Variants in LRRC58 observed in about 807,000 individuals in gnomAD.
LRRC58 encodes the protein leucine-rich repeat-containing protein 58.
Under a neutral mutation model 30.6 loss-of-function variants are expected in LRRC58, and 18 were observed. The ratio of observed to expected loss-of-function variants is 0.59; its 90% CI spans 0.41 to 0.87. The LOEUF (loss-of-function observed/expected upper bound fraction) is 0.87. Ranked by LOEUF, LRRC58 falls within the 40% of genes least tolerant of loss-of-function variation. LRRC58 has a pLI of 0.00. For synonymous variants in LRRC58, 221 were observed against 206.0 expected (o/e 1.07, Z -0.62); for missense variants, 420 against 468.4 (o/e 0.90, Z 0.95).
intron 3 of LRRC58, among the ~76,000 whole-genome samples, chr3:120,333,516 A>G (rs1290735950): frequency 6.6e-6 from 1 of 152,228 alleles, no homozygotes; most frequent in Non-Finnish European, 1.5e-5. Flanking sequence ...TGTCTTTTTT[A>G]TCTTTTAACA....
intron 1 of LRRC58, among the ~76,000 whole-genome samples, chr3:120,344,012 T>C (rs1935936808): frequency 6.6e-6 from 1 of 151,996 alleles, no homozygotes. Flanking sequence ...GCACTCCAGC[T>C]TGGTGGACAG....
At chr3:120,332,947 G>C (rs527816340) in intron 3 of LRRC58, among the ~76,000 whole-genome samples, 1 of 151,864 alleles carries the variant, frequency 6.6e-6, no homozygotes, top group South Asian at 2.1e-4. Flanking sequence ...ATGGGGTCTC[G>C]CTATGTTGCC....
rs1369372429 is a variant in LRRC58 at position 120,335,814 on chromosome 3, G to GAACT, written c.629+7_629+10dup. The GAACT allele has an allele frequency of 6.2e-7, 1 of 1,607,866 alleles. No individual in the cohort carries two copies. Among genetic ancestry groups the GAACT allele is most frequent in the African/African-American group, 1.3e-5 (1 of 74,756 alleles). Reference sequence around the variant, plus strand: ...ATGTCTGCGTATATACAAATGCCTGGAACTACTCACTGTGAAAGTTGAGGA... The same window carrying GAACT: ...ATGTCTGCGTATATACAAATGCCTGGAACTAACTACTCACTGTGAAAGTTGAGGA... On this transcript the variant is annotated intron_variant, in intron 2 of 3. Coordinates refer to ENST00000295628, the MANE Select transcript of LRRC58 (RefSeq NM_001099678.2).
At chr3:120,347,756 A>C (rs1935992175) in intron 1 of LRRC58, among the ~76,000 whole-genome samples, 5 of 152,194 alleles carry the variant, frequency 3.3e-5, no homozygotes, top group Admixed American at 2.0e-4. Flanking sequence ...ACGTTCTGTT[A>C]TCTCTGAAAA....
At chr3:120,334,443 G>C (rs1935805605) in intron 3 of LRRC58, among the ~76,000 whole-genome samples, 1 of 152,094 alleles carries the variant, frequency 6.6e-6, no homozygotes, top group Admixed American at 6.6e-5. Context: ...GGGAGGCAGA[G>C]TTTGCAATGA....
In LRRC58 at chr3:120,330,894, T is replaced by C; in HGVS notation, c.*306A>G. On this transcript the variant is annotated 3_prime_UTR_variant, in exon 4 of 4. Coordinates refer to ENST00000295628, the MANE Select transcript of LRRC58 (RefSeq NM_001099678.2). ...CAAAAGTTATACTACTCATGACTTA[T>C]TGCAGAACTGCTCTTCAAAAGGTAC... The C allele has an allele frequency of 5.4e-6, 2 of 369,826 alleles. No homozygotes were observed. Among genetic ancestry groups the C allele is most frequent in the South Asian group, 2.6e-5 (1 of 38,716 alleles). 22.9% of individuals were successfully genotyped at this position (369,826 alleles called of 1,614,324 possible).
At chr3:120,342,984 T>C (rs1935922630) in intron 1 of LRRC58, among the ~76,000 whole-genome samples, 1 of 152,238 alleles carries the variant, frequency 6.6e-6, no homozygotes, top group Non-Finnish European at 1.5e-5. Context: ...ATTAAGACAG[T>C]CAGGAACCAA....
chr3:120,340,465 G>A (rs1018926510), intron 1 of LRRC58, among the ~76,000 whole-genome samples: 12 of 152,036 alleles, frequency 7.9e-5, no homozygotes, highest in Admixed American at 1.3e-4. Flanking sequence ...ATTCTTTGCC[G>A]ATTGCCTTAT....
intron 1 of LRRC58, among the ~76,000 whole-genome samples, chr3:120,339,083 G>A (rs1000634592): frequency 6.6e-6 from 1 of 152,042 alleles, no homozygotes; most frequent in Non-Finnish European, 1.5e-5. Flanking sequence ...GATATGTTCG[G>A]ACTTGTGTTT....
At position 120,328,680 on chromosome 3, in the gene LRRC58, T is replaced by G. The variant is rs565812689; in HGVS notation, c.*2520A>C. ...CTGGTTTCTAGATTATGAAGTCCCT[T>G]GTATTTGACTTCTGATTAATTTCTC... On this transcript the variant is annotated 3_prime_UTR_variant, in exon 4 of 4. Coordinates refer to ENST00000295628, the MANE Select transcript of LRRC58 (RefSeq NM_001099678.2). 1 of 152,318 alleles carries G rather than the reference T, an allele frequency of 6.6e-6. No individual in the cohort carries two copies. Among genetic ancestry groups the G allele is most frequent in the East Asian group, 1.9e-4 (1 of 5,188 alleles). The allele number at this position is 152,318 out of a possible 1,614,324, so 9.4% of individuals were successfully genotyped here.
intron 1 of LRRC58, among the ~76,000 whole-genome samples, chr3:120,348,114 A>G (rs1418279228): frequency 1.3e-5 from 2 of 152,214 alleles, no homozygotes; most frequent in South Asian, 2.1e-4. Context: ...AACTTGAGAT[A>G]GCTTTTGAAG....
Position 120,331,292 on chromosome 3 carries a change from C to T in LRRC58, c.1024G>A (p.Ala342Thr), listed in dbSNP as rs546885697. 145 of 1,613,944 alleles carry T rather than the reference C, an allele frequency of 9.0e-5. 1 individual carries two copies. The East Asian group carries it at 2.0e-3, about 22-fold the overall frequency. ...SPECSSPCSSASHSSTSQSES... is the reference protein window; with the variant it reads ...SPECSSPCSSTSHSSTSQSES... Reference sequence around the variant, plus strand: ...CTCTGGGAAGTGGAGCTGTGAGAGGCAGAACTGCAAGGGGAAGAACATTCT... The same window carrying T: ...CTCTGGGAAGTGGAGCTGTGAGAGGTAGAACTGCAAGGGGAAGAACATTCT... Residue 342 changes from alanine to threonine, a missense_variant, in exon 4 of 4, where the codon GCC becomes ACC. Coordinates refer to ENST00000295628, the MANE Select transcript of LRRC58 (RefSeq NM_001099678.2).
At position 120,331,057 on chromosome 3, in the gene LRRC58, A is replaced by C. The variant is rs1175752227; in HGVS notation, c.*143T>G. 1.5e-6 allele frequency: 1 copy of C among 679,538 alleles called. No individual in the cohort carries two copies. The highest frequency in any genetic ancestry group is 2.7e-5 in the Admixed American group (1 of 37,416). The allele number at this position is 679,538 out of a possible 1,614,324, so 42.1% of individuals were successfully genotyped here. ...CATTCTTGCTGAATGGGTAGATGAAACACAAAATGTTTTATATCATCCCAG... is the reference window on the plus strand; with the variant it reads ...CATTCTTGCTGAATGGGTAGATGAACCACAAAATGTTTTATATCATCCCAG... On this transcript the variant is annotated 3_prime_UTR_variant, in exon 4 of 4. Transcript: ENST00000295628.
At chr3:120,348,102 T>G (rs116544408) in intron 1 of LRRC58, among the ~76,000 whole-genome samples, 1 of 152,198 alleles carries the variant, frequency 6.6e-6, no homozygotes, top group East Asian at 1.9e-4. Flanking sequence ...ACAGAGATGA[T>G]TAACTTGAGA....
In LRRC58 at chr3:120,330,246, G is replaced by A. The variant is rs1437758120; in HGVS notation, c.*954C>T. 6.6e-6 allele frequency: 1 copy of A among 152,008 alleles called. No individual in the cohort carries two copies. Among genetic ancestry groups the A allele is most frequent in the South Asian group, 2.1e-4 (1 of 4,818 alleles). The allele number at this position is 152,008 out of a possible 1,614,324, so 9.4% of individuals were successfully genotyped here. A position where few individuals can be genotyped will look rare whatever the true frequency, so the allele number is the denominator to read the frequency against. On this transcript the variant is annotated 3_prime_UTR_variant, in exon 4 of 4. Coordinates refer to ENST00000295628, the MANE Select transcript of LRRC58 (RefSeq NM_001099678.2). ...GCTTCTATCTCTTTTAGAATTTTCT[G>A]TTAAAAATTCTTACTCTGTCTTATG...
Position 120,329,972 on chromosome 3 carries a change from AT to A in LRRC58, c.*1227del, listed in dbSNP as rs555663595. The A allele has an allele frequency of 4.0e-5, 6 of 151,892 alleles. No individual in the cohort carries two copies. The highest frequency in any genetic ancestry group is 8.8e-5 in the Non-Finnish European group (6 of 67,892). 9.4% of individuals were successfully genotyped at this position (151,892 alleles called of 1,614,324 possible). ...CATTAAGGATACAATATATTTAATAATTTTTTTCTATTTTATTAATACTTTA... is the reference window on the plus strand; with the variant it reads ...CATTAAGGATACAATATATTTAATAATTTTTTCTATTTTATTAATACTTTA... On this transcript the variant is annotated 3_prime_UTR_variant, in exon 4 of 4. Transcript: ENST00000295628.
intron 3 of LRRC58, among the ~76,000 whole-genome samples, chr3:120,332,203 T>C (rs560288052): frequency 2.0e-5 from 3 of 152,192 alleles, no homozygotes; most frequent in Non-Finnish European, 4.4e-5. Flanking sequence ...CCAGAACATC[T>C]AGAATTTTGG....
intron 1 of LRRC58, among the ~76,000 whole-genome samples, chr3:120,338,589 G>A (rs1269463374): frequency 1.3e-5 from 2 of 152,224 alleles, no homozygotes; most frequent in African/African-American, 2.4e-5. Flanking sequence ...TCTCTTAGGA[G>A]ATGACATCTG....
chr3:120,347,379 CTTTTTTTTTTTTTTTTTTTTTTT>C (rs1935983602), intron 1 of LRRC58, among the ~76,000 whole-genome samples: 1 of 54,828 alleles, frequency 1.8e-5, no homozygotes, highest in Admixed American at 2.5e-4. Flanking sequence ...GGCCAATATT[CTTTTTTTTTTTTTTTTTTTTTTT>C]GAGACAGAGT....
Sources: gnomAD v4.1 joint callset for allele counts (sites outside exome capture counted in the v4.1 genomes callset) on GRCh38, gnomAD v4.1.1 for gene constraint, MANE v1.5 for transcripts, NCBI Gene and HGNC (gene_info 2026-07-23, HGNC 2026-07-21) for gene names.